Variants in SLCO6A1 observed in about 807,000 individuals in gnomAD.
The protein encoded by SLCO6A1 is solute carrier organic anion transporter family member 6A1.
A neutral mutation model predicts 72.7 loss-of-function variants in SLCO6A1; 65 were observed. The ratio of observed to expected loss-of-function variants is 0.89; its 90% CI spans 0.73 to 1.10. The LOEUF is 1.10. SLCO6A1 is among the 50% of genes least tolerant of loss of function. The probability of loss-of-function intolerance (pLI) is 0.00; values close to 1 mark genes in which losing one functional copy is unlikely to be tolerated. For synonymous variants in SLCO6A1, 314 were observed against 298.2 expected (o/e 1.05, Z -0.55); for missense variants, 874 against 872.6 (o/e 1.00, Z -0.02).
intron 9 of SLCO6A1, among the ~76,000 whole-genome samples, chr5:102,406,794 C>T (rs1170044900): frequency 6.6e-6 from 1 of 151,824 alleles, no homozygotes; most frequent in Non-Finnish European, 1.5e-5. Context: ...GAAATTAGAA[C>T]CTCAGAAAAT....
chr5:102,385,184 G>T (rs561386482), intron 12 of SLCO6A1, among the ~76,000 whole-genome samples: 2 of 152,172 alleles, frequency 1.3e-5, no homozygotes, highest in South Asian at 4.1e-4. Flanking sequence ...GTCTTATAGA[G>T]GTTCCCCTAT....
chr5:102,398,634 AT>A (rs1747232974), intron 10 of SLCO6A1, among the ~76,000 whole-genome samples: 2 of 152,294 alleles, frequency 1.3e-5, no homozygotes, highest in Admixed American at 1.3e-4. Context: ...TGTACACAGA[AT>A]AGCAACATTC....
chr5:102,463,899 A>AT (rs887807811), intron 4 of SLCO6A1, among the ~76,000 whole-genome samples: 4 of 145,598 alleles, frequency 2.7e-5, no homozygotes, highest in African/African-American at 1.1e-4. Context: ...AAAAGAAGAA[A>AT]AAAAAAAAAA....
At chr5:102,441,853 TTTTA>T (rs1749851153) in intron 6 of SLCO6A1, among the ~76,000 whole-genome samples, 1 of 151,794 alleles carries the variant, frequency 6.6e-6, no homozygotes, top group Non-Finnish European at 1.5e-5. Context: ...AGATTATTCT[TTTTA>T]TTTATTCTAT....
At chr5:102,460,573 G>C (rs1163923450) in intron 4 of SLCO6A1, among the ~76,000 whole-genome samples, 1 of 152,084 alleles carries the variant, frequency 6.6e-6, no homozygotes, top group Non-Finnish European at 1.5e-5. Context: ...TTAAGGAGGA[G>C]ATTAGGGGAG....
At chr5:102,427,906 G>A (rs1227497198) in intron 7 of SLCO6A1, among the ~76,000 whole-genome samples, 2 of 114,392 alleles carry the variant, frequency 1.7e-5, no homozygotes, top group Admixed American at 1.3e-4. Flanking sequence ...GTCTTGCTCT[G>A]TCACTAGGTT....
At position 102,429,954 on chromosome 5, in the gene SLCO6A1, A is replaced by G. The variant is rs566127246; in HGVS notation, c.1276+8663T>C. Among the ~76,000 whole-genome samples the G allele has an allele frequency of 2.3e-4, 35 of 152,110 alleles. No individual in the cohort carries two copies. The South Asian group carries it at 7.1e-3, about 31-fold the overall frequency. ...ATTCATAAGCATGGAGTGTTTTCCC[A>G]TTTGTTTGTGTCATCTCTTATTTCT... On this transcript the variant is annotated intron_variant, in intron 7 of 13. Transcript: ENST00000506729.
intron 9 of SLCO6A1, among the ~76,000 whole-genome samples, chr5:102,405,244 A>G (rs532350169): frequency 7.2e-5 from 11 of 152,168 alleles, no homozygotes; most frequent in African/African-American, 2.6e-4. Context: ...GAAGAGAAAG[A>G]TATTGGGGCA....
At chr5:102,448,058 C>A (rs1455666155) in intron 6 of SLCO6A1, among the ~76,000 whole-genome samples, 1 of 152,118 alleles carries the variant, frequency 6.6e-6, no homozygotes, top group Non-Finnish European at 1.5e-5. Flanking sequence ...TCCAGAGATT[C>A]TGGTATGTTG....
At chr5:102,485,088 C>T (rs28415625) in intron 1 of SLCO6A1, among the ~76,000 whole-genome samples, 10,872 of 151,728 alleles carry the variant, frequency 0.072, 448 homozygotes, top group African/African-American at 0.1. Context: ...CCCATCTCTA[C>T]TGAAAATACA....
At chr5:102,435,862 T>G (rs1471240138) in intron 7 of SLCO6A1, among the ~76,000 whole-genome samples, 3 of 144,292 alleles carry the variant, frequency 2.1e-5, no homozygotes, top group African/African-American at 5.2e-5. Context: ...GCAACAAGAG[T>G]GAAACTCCAT....
chr5:102,426,114 T>C (rs558295347), intron 7 of SLCO6A1, among the ~76,000 whole-genome samples: 18 of 152,114 alleles, frequency 1.2e-4, no homozygotes, highest in South Asian at 8.3e-4. Context: ...ATACAAAAAT[T>C]AACTCAAGAC....
At chr5:102,379,013 T>C (rs1223688461) in intron 12 of SLCO6A1, among the ~76,000 whole-genome samples, 1 of 152,104 alleles carries the variant, frequency 6.6e-6, no homozygotes, top group African/African-American at 2.4e-5. Flanking sequence ...ACACATGACC[T>C]CAGGCAATCT....
At position 102,403,754 on chromosome 5, in the gene SLCO6A1, T is replaced by C. The variant is rs1747522618; in HGVS notation, c.1627-4012A>G. Among the ~76,000 whole-genome samples, 5 of 152,280 alleles carry C rather than the reference T, an allele frequency of 3.3e-5. 1 individual carries two copies. The South Asian group carries it at 1.0e-3, about 32-fold the overall frequency. On this transcript the variant is annotated intron_variant, in intron 9 of 13. Coordinates refer to ENST00000506729, the MANE Select transcript of SLCO6A1 (RefSeq NM_173488.5). ...GTGTAAATTTAAAGTAACATTTTAATGATTATTCATCTGACAAATATTTAT... is the reference window on the plus strand; with the variant it reads ...GTGTAAATTTAAAGTAACATTTTAACGATTATTCATCTGACAAATATTTAT...
At chr5:102,429,306 A>G (rs1365182381) in intron 7 of SLCO6A1, among the ~76,000 whole-genome samples, 1 of 152,122 alleles carries the variant, frequency 6.6e-6, no homozygotes, top group Admixed American at 6.6e-5. Context: ...TCTTAAGTTT[A>G]ATTAGATCCC....
At chr5:102,416,512 T>A (rs533221534) in intron 8 of SLCO6A1, among the ~76,000 whole-genome samples, 2 of 152,228 alleles carry the variant, frequency 1.3e-5, no homozygotes, top group East Asian at 3.9e-4. Context: ...CAGTCACAAC[T>A]GGGAGCTAAA....
At chr5:102,391,850 C>T (rs1462200196) in intron 10 of SLCO6A1, among the ~76,000 whole-genome samples, 6 of 91,568 alleles carry the variant, frequency 6.6e-5, no homozygotes, top group Non-Finnish European at 1.2e-4. Flanking sequence ...ATAACTTTTC[C>T]AAATATAAAG....
Position 102,459,560 on chromosome 5 carries a change from T to C in SLCO6A1, c.1021+96A>G, listed in dbSNP as rs1750913337. The C allele has an allele frequency of 5.3e-6, 7 of 1,333,208 alleles. No individual in the cohort carries two copies. In the Admixed American group the frequency reaches 1.9e-4, roughly 37 times the overall value. The allele number at this position is 1,333,208 out of a possible 1,614,324, so 82.6% of individuals were successfully genotyped here. A position where few individuals can be genotyped will look rare whatever the true frequency, so the allele number is the denominator to read the frequency against. On this transcript the variant is annotated intron_variant, in intron 5 of 13. Coordinates refer to ENST00000506729, the MANE Select transcript of SLCO6A1 (RefSeq NM_173488.5). Reference sequence around the variant, plus strand: ...CCACTACAGCGAGAGGCATACTCATTTTATTAAAAATGTAATACAGTCATT... The same window carrying C: ...CCACTACAGCGAGAGGCATACTCATCTTATTAAAAATGTAATACAGTCATT...
intron 4 of SLCO6A1, 82 bp downstream of exon 4, chr5:102,475,615 A>T: frequency 1.2e-6 from 1 of 809,048 alleles, no homozygotes; most frequent in South Asian, 2.1e-5. Context: ...AATTAAATAT[A>T]TATATTTACT....
Sources: allele counts gnomAD v4.1 joint callset (sites outside exome capture counted in the v4.1 genomes callset), GRCh38; gene constraint gnomAD v4.1.1; transcripts MANE v1.5; gene names NCBI Gene and HGNC (gene_info 2026-07-23, HGNC 2026-07-21).